PLEKHA8: variants seen among roughly 807,000 people sequenced by gnomAD.
The protein encoded by PLEKHA8 is pleckstrin homology domain containing A8.
PLEKHA8 carries 36 observed loss-of-function variants against 68.2 expected under a neutral mutation model. That is an observed-to-expected ratio of 0.53 (90% CI 0.40 to 0.70). PLEKHA8 has a LOEUF of 0.70. Among genes scored for constraint, PLEKHA8 ranks in the 30% least tolerant of loss-of-function variants. The pLI is 0.00. For missense variants in PLEKHA8, 505 were observed against 615.4 expected (o/e 0.82, Z 1.90); for synonymous variants, 211 against 216.1 (o/e 0.98, Z 0.20).
intron 2 of PLEKHA8, among the ~76,000 whole-genome samples, chr7:30,045,544 G>GAC (rs141127670): frequency 1.1e-4 from 17 of 151,596 alleles, no homozygotes; most frequent in South Asian, 4.2e-4. Flanking sequence ...AATCAGGATG[G>GAC]ACACACACAC....
At chr7:30,100,209 ATT>A (rs1017735898) in intron 13 of PLEKHA8, among the ~76,000 whole-genome samples, 4 of 152,170 alleles carry the variant, frequency 2.6e-5, no homozygotes, top group Non-Finnish European at 5.9e-5. Context: ...TAAAGATCCT[ATT>A]TCCAAATAAG....
intron 5 of PLEKHA8, 92 bp from the exon 6 acceptor site, chr7:30,050,342 G>A: frequency 2.7e-6 from 4 of 1,458,800 alleles, no homozygotes; most frequent in Non-Finnish European, 3.6e-6. Flanking sequence ...TGGTCATATG[G>A]TCATATTTAC....
Position 30,052,776 on chromosome 7 carries a change from C to G in PLEKHA8, c.706C>G (p.Leu236Val). Reference sequence around the variant, plus strand: ...GGAAATAAATGGTGAGGAAGAAATCCTAATGAAAAATAAGAATTCCTTATA... The same window carrying G: ...GGAAATAAATGGTGAGGAAGAAATCGTAATGAAAAATAAGAATTCCTTATA... ...NMEINGEEEI[L>V]MKNKNSLYLK... The change falls in exon 7 of 14, where the codon CTA (leucine) becomes GTA (valine). Residue 236 changes from leucine to valine, a missense_variant. Physicochemically the swap from Leu to Val is conservative, Grantham distance 32. Transcript: ENST00000449726. 1 of 1,566,492 alleles carries G rather than the reference C, an allele frequency of 6.4e-7. No homozygotes were observed.
At position 30,079,326 on chromosome 7, in the gene PLEKHA8, C is replaced by G; in HGVS notation, c.*539C>G. On this transcript the variant is annotated 3_prime_UTR_variant, in exon 14 of 14. Coordinates refer to ENST00000449726, the MANE Select transcript of PLEKHA8 (RefSeq NM_001197026.2). ...TAAGGGCCTGTGTAGTAAAGATGTT[C>G]AGGGCATTCACATGACCATGCAATT... The G allele has an allele frequency of 1.0e-6, 1 of 986,402 alleles. No individual in the cohort carries two copies. The highest frequency in any genetic ancestry group is 1.2e-6 in the Non-Finnish European group (1 of 830,722). The allele number at this position is 986,402 out of a possible 1,614,324, so 61.1% of individuals were successfully genotyped here.
rs962586960 is a variant in PLEKHA8 at position 30,045,308 on chromosome 7, G to T, written c.157+107G>T. The T allele has an allele frequency of 1.0e-5, 8 of 765,158 alleles. No homozygotes were observed. In the African/African-American group the frequency reaches 1.4e-4, roughly 14 times the overall value. 47.4% of individuals were successfully genotyped at this position (765,158 alleles called of 1,614,324 possible). ...CTTTCTCTGCTGCTCCCATAATACA[G>T]ACCAAGGGACATAGTGTTATGTGTC... On this transcript the variant is annotated intron_variant, in intron 2 of 13. Coordinates refer to ENST00000449726, the MANE Select transcript of PLEKHA8 (RefSeq NM_001197026.2).
intron 13 of PLEKHA8, among the ~76,000 whole-genome samples, chr7:30,114,123 T>G (rs1357480926): frequency 1.3e-5 from 2 of 152,162 alleles, no homozygotes; most frequent in Non-Finnish European, 2.9e-5. Context: ...GGTCTTGAAC[T>G]CCTGACCTCA....
chr7:30,112,382 T>TAAA (rs573710434), intron 13 of PLEKHA8, among the ~76,000 whole-genome samples: 128 of 142,162 alleles, frequency 9.0e-4, no homozygotes, highest in African/African-American at 3.0e-3. Context: ...GATAACTCCT[T>TAAA]AAAAAAAAAA....
chr7:30,078,899 G>T lies in PLEKHA8; in HGVS notation c.*112G>T. On this transcript the variant is annotated 3_prime_UTR_variant, in exon 14 of 14. Transcript: ENST00000449726. ...CCTCTCCAACCCCTTCACCTGGGGG[G>T]ATGGACAGGAGGTGGCAAAACCCAG... The T allele has an allele frequency of 6.9e-7, 1 of 1,454,992 alleles. No individual in the cohort carries two copies. 90.1% of individuals were successfully genotyped at this position (1,454,992 alleles called of 1,614,324 possible).
intron 13 of PLEKHA8, among the ~76,000 whole-genome samples, chr7:30,106,449 G>T (rs145026075): frequency 1.5e-3 from 236 of 152,258 alleles, no homozygotes; most frequent in African/African-American, 5.4e-3. Context: ...ATAGCCACTT[G>T]TCTTGGAATC....
At chr7:30,037,486 G>C (rs1044559186) in intron 1 of PLEKHA8, among the ~76,000 whole-genome samples, 2 of 152,112 alleles carry the variant, frequency 1.3e-5, no homozygotes, top group Non-Finnish European at 2.9e-5. Context: ...GGAGTTTTCT[G>C]TTATTTTGTA....
downstream of PLEKHA8, among the ~76,000 whole-genome samples, chr7:30,085,638 C>G (rs1470840808): frequency 6.6e-6 from 1 of 152,176 alleles, no homozygotes; most frequent in East Asian, 1.9e-4. Context: ...ACCCACGTCT[C>G]AGGGAATCTT....
At chr7:30,114,571 T>C (rs1417641636) in intron 13 of PLEKHA8, among the ~76,000 whole-genome samples, 4 of 152,228 alleles carry the variant, frequency 2.6e-5, no homozygotes, top group Non-Finnish European at 5.9e-5. Context: ...CCCTTTCCAA[T>C]TGTCATTCTA....
In PLEKHA8 at chr7:30,083,903, G is replaced by A. The variant is rs779407841; in HGVS notation, c.*5116G>A. On this transcript the variant is annotated 3_prime_UTR_variant, in exon 14 of 14. Coordinates refer to ENST00000449726, the MANE Select transcript of PLEKHA8 (RefSeq NM_001197026.2). ...TACCCACACAGACTCCTGTGTATGC[G>A]TGTCTGTTTATAGGTGTATATGGAG... 14 of 985,318 alleles carry A rather than the reference G, an allele frequency of 1.4e-5. No homozygotes were observed. Among genetic ancestry groups the A allele is most frequent in the African/African-American group, 1.7e-5 (1 of 57,232 alleles). The allele number at this position is 985,318 out of a possible 1,614,324, so 61.0% of individuals were successfully genotyped here.
At chr7:30,092,535 G>T (rs1252319547), downstream of PLEKHA8, among the ~76,000 whole-genome samples, 2 of 152,136 alleles carry the variant, frequency 1.3e-5, no homozygotes, top group African/African-American at 4.8e-5. Flanking sequence ...CCCAGTTGGA[G>T]GATTCCAGAA....
At chr7:30,123,214 C>G (rs1413878912) in intron 13 of PLEKHA8, among the ~76,000 whole-genome samples, 1 of 152,214 alleles carries the variant, frequency 6.6e-6, no homozygotes, top group Non-Finnish European at 1.5e-5. Context: ...TCTAATCCAA[C>G]ATATTTATTT....
intron 13 of PLEKHA8, among the ~76,000 whole-genome samples, chr7:30,078,132 G>A (rs146384645): frequency 1.2e-4 from 19 of 152,194 alleles, no homozygotes; most frequent in African/African-American, 4.3e-4. Context: ...ATTCTTATGG[G>A]GGAAAAATAG....
chr7:30,051,420 A>AGTT (rs1792401642), intron 6 of PLEKHA8, among the ~76,000 whole-genome samples: 1 of 151,704 alleles, frequency 6.6e-6, no homozygotes, highest in East Asian at 1.9e-4. Context: ...AGAAAATAGC[A>AGTT]AATACTTTTC....
rs1430779433 is a variant in PLEKHA8, at chr7:30,082,430, T to A, written c.*3643T>A. 6 of 985,146 alleles carry A rather than the reference T, an allele frequency of 6.1e-6. No homozygotes were observed. Among genetic ancestry groups the A allele is most frequent in the Non-Finnish European group, 7.2e-6 (6 of 829,892 alleles). The allele number at this position is 985,146 out of a possible 1,614,324, so 61.0% of individuals were successfully genotyped here. A position where few individuals can be genotyped will look rare whatever the true frequency, so the allele number is the denominator to read the frequency against. ...GGGCTGCGTGCCTGATCAGTGGGGATTCTGTTCCCCCACCCCCCAGACTGC... is the reference window on the plus strand; with the variant it reads ...GGGCTGCGTGCCTGATCAGTGGGGAATCTGTTCCCCCACCCCCCAGACTGC... On this transcript the variant is annotated 3_prime_UTR_variant, in exon 14 of 14. Coordinates refer to ENST00000449726, the MANE Select transcript of PLEKHA8 (RefSeq NM_001197026.2).
At chr7:30,096,067 C>T (rs1315611309) in intron 13 of PLEKHA8, among the ~76,000 whole-genome samples, 1 of 152,124 alleles carries the variant, frequency 6.6e-6, no homozygotes, top group Admixed American at 6.5e-5. Flanking sequence ...TGAAGAAAGT[C>T]ATTGGTAGCT....
Sources: gnomAD v4.1 joint callset for allele counts (sites outside exome capture counted in the v4.1 genomes callset) on GRCh38, gnomAD v4.1.1 for gene constraint, MANE v1.5 for transcripts, NCBI Gene and HGNC (gene_info 2026-07-23, HGNC 2026-07-21) for gene names.